Variants in NAV3 observed in about 807,000 individuals in gnomAD.
The protein encoded by NAV3 is neuron navigator 3, also known as pore membrane and/or filament interacting like protein 1.
A neutral mutation model predicts 244.7 loss-of-function variants in NAV3; 87 were observed. The observed-to-expected ratio is 0.36, with a 90% CI of 0.30 to 0.42. The LOEUF (loss-of-function observed/expected upper bound fraction) is 0.42, where lower values mean the gene tolerates loss of function less well. Ranked by LOEUF, NAV3 falls within the 20% of genes least tolerant of loss-of-function variation. The probability of loss-of-function intolerance (pLI) is 1.00; values close to 1 mark genes in which losing one functional copy is unlikely to be tolerated. For missense variants in NAV3, 2,663 were observed against 2,893.3 expected (o/e 0.92, Z 1.83); for synonymous variants, 1,126 against 1,042.2 (o/e 1.08, Z -1.55).
intron 5 of NAV3, among the ~76,000 whole-genome samples, chr12:77,992,636 G>A (rs1486474728): frequency 6.6e-6 from 1 of 152,178 alleles, no homozygotes; most frequent in Non-Finnish European, 1.5e-5. Flanking sequence ...TTAATTTAAG[G>A]AGTAGAATAT....
intron 2 of NAV3, among the ~76,000 whole-genome samples, chr12:77,741,510 T>C (rs1868336269): frequency 6.6e-6 from 1 of 152,182 alleles, no homozygotes; most frequent in African/African-American, 2.4e-5. Context: ...TTCATTTAAC[T>C]AGTTTTTAGT....
chr12:77,600,503 G>C (rs916614867), intron 2 of NAV3, among the ~76,000 whole-genome samples: 1 of 151,932 alleles, frequency 6.6e-6, no homozygotes, highest in African/African-American at 2.4e-5. Context: ...CATATAGGCT[G>C]TTCTCACCAT....
chr12:77,965,477 G>C (rs1892430448), intron 3 of NAV3, among the ~76,000 whole-genome samples: 1 of 152,122 alleles, frequency 6.6e-6, no homozygotes, highest in South Asian at 2.1e-4. Context: ...AAATTAGCGG[G>C]GCGTGGTGGC....
intron 1 of NAV3, among the ~76,000 whole-genome samples, chr12:77,887,866 A>G (rs1336623132): frequency 1.3e-5 from 2 of 152,192 alleles, no homozygotes; most frequent in African/African-American, 4.8e-5. Flanking sequence ...AAGCAATAAA[A>G]TTGATGTTAT....
chr12:77,654,760 T>C (rs1449488425), intron 2 of NAV3, among the ~76,000 whole-genome samples: 2 of 150,732 alleles, frequency 1.3e-5, no homozygotes, highest in African/African-American at 4.9e-5. Flanking sequence ...GAGACAAAAC[T>C]TCCAGAGGAA....
intron 18 of NAV3, among the ~76,000 whole-genome samples, chr12:78,132,075 T>G (rs1956189407): frequency 6.6e-6 from 1 of 152,114 alleles, no homozygotes; most frequent in Admixed American, 6.5e-5. Context: ...AAAGATAAGT[T>G]TATGCTAAGA....
intron 2 of NAV3, among the ~76,000 whole-genome samples, chr12:77,738,266 G>C (rs1868260874): frequency 6.6e-6 from 1 of 152,104 alleles, no homozygotes; most frequent in African/African-American, 2.4e-5. Context: ...TAATTAATCA[G>C]TTAGTGGAGT....
chr12:77,992,279 G>A (rs553984651), intron 5 of NAV3, among the ~76,000 whole-genome samples: 3 of 152,136 alleles, frequency 2.0e-5, no homozygotes, highest in Non-Finnish European at 2.9e-5. Context: ...CAGAGGTATC[G>A]TGGGAAGTAT....
chr12:77,731,776 A>G (rs1196523317), intron 2 of NAV3, among the ~76,000 whole-genome samples: 1 of 152,020 alleles, frequency 6.6e-6, no homozygotes, highest in Non-Finnish European at 1.5e-5. Flanking sequence ...CAACTTTTAA[A>G]ATGTTTATGT....
chr12:78,113,534 C>T (rs1018572485), intron 12 of NAV3, among the ~76,000 whole-genome samples: 1 of 152,240 alleles, frequency 6.6e-6, no homozygotes, highest in African/African-American at 2.4e-5. Context: ...CTTTCACCTT[C>T]TGAAGCCATG....
chr12:78,064,724 T>C (rs1884803684), intron 12 of NAV3, among the ~76,000 whole-genome samples: 1 of 152,088 alleles, frequency 6.6e-6, no homozygotes. Context: ...ATATATGTGC[T>C]GGATTAAAGT....
At chr12:77,896,509 G>T (rs1207291813) in intron 1 of NAV3, among the ~76,000 whole-genome samples, 1 of 152,114 alleles carries the variant, frequency 6.6e-6, no homozygotes, top group Admixed American at 6.5e-5. Context: ...AATTGATGTG[G>T]AAAAAAGTAT....
intron 28 of NAV3, among the ~76,000 whole-genome samples, chr12:78,178,420 C>T (rs540758615): frequency 1.4e-4 from 21 of 152,066 alleles, no homozygotes; most frequent in Admixed American, 1.0e-3. Context: ...CTCGGCCTCC[C>T]AAAGTACTGG....
chr12:77,720,452 C>G (rs1383623339), intron 2 of NAV3, among the ~76,000 whole-genome samples: 2 of 152,066 alleles, frequency 1.3e-5, no homozygotes, highest in Admixed American at 1.3e-4. Context: ...GGAAACTGTA[C>G]TCTCTTTCTT....
intron 5 of NAV3, among the ~76,000 whole-genome samples, chr12:77,977,278 A>C (rs1426035302): frequency 6.6e-6 from 1 of 152,160 alleles, no homozygotes; most frequent in African/African-American, 2.4e-5. Context: ...GGGAGGAATT[A>C]CAGAGAGAGA....
At chr12:77,778,185 C>A (rs1238749854) in intron 2 of NAV3, among the ~76,000 whole-genome samples, 1 of 129,336 alleles carries the variant, frequency 7.7e-6, no homozygotes, top group African/African-American at 2.9e-5. Context: ...GCCCTCTCCT[C>A]CTCTCCTCTC....
chr12:77,963,761 C>T (rs2137897514), intron 3 of NAV3, among the ~76,000 whole-genome samples: 1 of 152,188 alleles, frequency 6.6e-6, no homozygotes, highest in East Asian at 1.9e-4. Context: ...TGGTTGAATG[C>T]TCCTGATAAA....
intron 2 of NAV3, among the ~76,000 whole-genome samples, chr12:77,659,567 C>G (rs1344938785): frequency 6.6e-6 from 1 of 152,120 alleles, no homozygotes; most frequent in African/African-American, 2.4e-5. Context: ...CCTCAGGGAT[C>G]TAGAACTAGA....
At chr12:77,995,773 T>C (rs1872256714) in intron 6 of NAV3, among the ~76,000 whole-genome samples, 1 of 152,126 alleles carries the variant, frequency 6.6e-6, no homozygotes, top group South Asian at 2.1e-4. Context: ...AGGTATTTAA[T>C]TAAAAACTAG....
Sources: gnomAD v4.1 joint callset for allele counts (sites outside exome capture counted in the v4.1 genomes callset) on GRCh38, gnomAD v4.1.1 for gene constraint, MANE v1.5 for transcripts, NCBI Gene and HGNC (gene_info 2026-07-23, HGNC 2026-07-21) for gene names.